NT5DC1: variants seen among roughly 807,000 people sequenced by gnomAD.
The protein encoded by NT5DC1 is 5'-nucleotidase domain-containing protein 1.
Under a neutral mutation model 59.4 loss-of-function variants are expected in NT5DC1, and 42 were observed. The observed-to-expected ratio is 0.71, with a 90% CI of 0.55 to 0.92. The LOEUF (loss-of-function observed/expected upper bound fraction) is 0.92. Ranked by LOEUF, NT5DC1 falls within the 40% of genes least tolerant of loss-of-function variation. The pLI is 0.00. For synonymous variants in NT5DC1, 172 were observed against 188.1 expected (o/e 0.91, Z 0.70); for missense variants, 501 against 537.1 (o/e 0.93, Z 0.66).
At chr6:116,130,670 A>G (rs896988038) in intron 6 of NT5DC1, among the ~76,000 whole-genome samples, 1 of 152,046 alleles carries the variant, frequency 6.6e-6, no homozygotes, top group African/African-American at 2.4e-5. Context: ...CATTAAATAT[A>G]AGATATATGA....
chr6:116,118,081 G>A (rs1014023292), intron 6 of NT5DC1, 136 bp downstream of exon 6: 6 of 679,372 alleles, frequency 8.8e-6, no homozygotes, highest in Admixed American at 2.4e-5. Flanking sequence ...TTATAAAGTT[G>A]GTTCTGACTA....
chr6:116,144,802 A>T (rs1582832343), intron 6 of NT5DC1, among the ~76,000 whole-genome samples: 2 of 152,114 alleles, frequency 1.3e-5, no homozygotes, highest in Non-Finnish European at 2.9e-5. Context: ...GACAACTGTG[A>T]GTTAGTTCAC....
At chr6:116,167,981 T>G (rs1479419990) in intron 6 of NT5DC1, among the ~76,000 whole-genome samples, 1 of 152,182 alleles carries the variant, frequency 6.6e-6, no homozygotes, top group African/African-American at 2.4e-5. Flanking sequence ...GAAAATTCAG[T>G]TATCAGTATA....
chr6:116,132,383 C>CTA (rs1779490984), intron 6 of NT5DC1, among the ~76,000 whole-genome samples: 1 of 152,050 alleles, frequency 6.6e-6, no homozygotes, highest in Non-Finnish European at 1.5e-5. Flanking sequence ...CCTACTTTTC[C>CTA]TGTACATGTT....
intron 6 of NT5DC1, among the ~76,000 whole-genome samples, chr6:116,185,215 G>T (rs1323211136): frequency 6.6e-6 from 1 of 152,006 alleles, no homozygotes; most frequent in African/African-American, 2.4e-5. Flanking sequence ...ATCCACTATG[G>T]TCTAAGAGAG....
chr6:116,121,823 C>T (rs1779140018), intron 6 of NT5DC1: 1 of 1,613,944 alleles, frequency 6.2e-7, no homozygotes, highest in Non-Finnish European at 8.5e-7. Flanking sequence ...TCCCGGTGGT[C>T]CTGGCAACCC....
chr6:116,229,792 C>CCTCT (rs150325214), intron 8 of NT5DC1, among the ~76,000 whole-genome samples: 5 of 151,214 alleles, frequency 3.3e-5, no homozygotes, highest in East Asian at 1.9e-4. Flanking sequence ...CTCTGTCTCT[C>CCTCT]CTCTCTCTCT....
chr6:116,110,888 T>G lies in NT5DC1; in HGVS notation c.296T>G (p.Leu99Arg), dbSNP rs1778861818. 6.2e-7 allele frequency: 1 copy of G among 1,614,162 alleles called. No homozygotes were observed. Among genetic ancestry groups the G allele is most frequent in the South Asian group, 1.1e-5 (1 of 91,084 alleles). ...HGTKMMTPEVLAEAYGKKEWK... is the reference protein window; with the variant it reads ...HGTKMMTPEVRAEAYGKKEWK... ...ACCAAGATGATGACTCCAGAGGTGC[T>G]GGCAGAGGCATATGGCAAGAAAGAG... The change falls in exon 4 of 12, where the codon CTG becomes CGG. Residue 99 changes from leucine (L) to arginine (R), a missense_variant. By Grantham distance (102) the Leu-to-Arg change is moderately radical. Transcript: ENST00000319550.
chr6:116,210,354 A>G (rs1781549628), intron 6 of NT5DC1, among the ~76,000 whole-genome samples: 1 of 149,326 alleles, frequency 6.7e-6, no homozygotes, highest in Non-Finnish European at 1.5e-5. Context: ...GAAATGTAAT[A>G]ATGTACCATG....
intron 6 of NT5DC1, among the ~76,000 whole-genome samples, chr6:116,198,359 TG>T (rs1292088217): frequency 1.3e-5 from 2 of 152,054 alleles, no homozygotes; most frequent in African/African-American, 2.4e-5. Flanking sequence ...GACCATTATA[TG>T]TAACTGTGCT....
At position 116,246,997 on chromosome 6, in the gene NT5DC1, G is replaced by A. The variant is rs1389887033; in HGVS notation, c.*2973G>A. 1 of 152,270 alleles carries A rather than the reference G, an allele frequency of 6.6e-6. No individual in the cohort carries two copies. The highest frequency in any genetic ancestry group is 2.4e-5 in the African/African-American group (1 of 41,548). 9.4% of individuals were successfully genotyped at this position (152,270 alleles called of 1,614,324 possible). On this transcript the variant is annotated 3_prime_UTR_variant, in exon 12 of 12. Transcript: ENST00000319550. The stretch of plus-strand genomic sequence containing the variant: ...ATGAGATGTATATAATTATTAAATT[G>A]TACAGATGGGAAAATTGAAATTCAG...
At chr6:116,129,215 T>C (rs1228557955) in intron 6 of NT5DC1, among the ~76,000 whole-genome samples, 1 of 152,162 alleles carries the variant, frequency 6.6e-6, no homozygotes. Flanking sequence ...TATATAGACA[T>C]GTATATACAC....
At chr6:116,152,857 T>C (rs1253938300) in intron 6 of NT5DC1, among the ~76,000 whole-genome samples, 2 of 152,154 alleles carry the variant, frequency 1.3e-5, no homozygotes, top group Non-Finnish European at 2.9e-5. Context: ...TCTATAGTTA[T>C]ATTGCCTCTG....
chr6:116,206,104 C>A (rs1781444554), intron 6 of NT5DC1, among the ~76,000 whole-genome samples: 3 of 151,930 alleles, frequency 2.0e-5, no homozygotes, highest in Non-Finnish European at 4.4e-5. Context: ...TTTTTCATAG[C>A]ATATGTTTCA....
At chr6:116,101,422 A>G (rs1326721962) in intron 1 of NT5DC1, among the ~76,000 whole-genome samples, 2 of 151,426 alleles carry the variant, frequency 1.3e-5, no homozygotes, top group Non-Finnish European at 3.0e-5. Flanking sequence ...GATTGTGGAC[A>G]CAGCCACTTG....
chr6:116,163,137 A>AT (rs1554197055), intron 6 of NT5DC1, among the ~76,000 whole-genome samples: 94 of 105,364 alleles, frequency 8.9e-4, no homozygotes, highest in East Asian at 8.4e-3. Context: ...AAAAAAAAAA[A>AT]AAAAATATAT....
chr6:116,200,320 A>T (rs1414142471), intron 6 of NT5DC1, among the ~76,000 whole-genome samples: 3 of 152,058 alleles, frequency 2.0e-5, no homozygotes, highest in African/African-American at 7.2e-5. Context: ...TAAACGTAAT[A>T]TGGTATCCTG....
intron 6 of NT5DC1, among the ~76,000 whole-genome samples, chr6:116,135,850 TATATATATATATATATATATATAC>T (rs1021188681): frequency 4.4e-5 from 5 of 113,222 alleles, no homozygotes; most frequent in Non-Finnish European, 7.0e-5. Flanking sequence ...TATATATATA[TATATATATATATATATATATATAC>T]ACACATACAC....
intron 6 of NT5DC1, among the ~76,000 whole-genome samples, chr6:116,217,192 C>T (rs867766162): frequency 2.0e-5 from 3 of 152,160 alleles, no homozygotes; most frequent in Non-Finnish European, 4.4e-5. Flanking sequence ...TTTTTTACCA[C>T]GAGAGGTCCC....
Sources: gnomAD v4.1 joint callset for allele counts (sites outside exome capture counted in the v4.1 genomes callset) on GRCh38, gnomAD v4.1.1 for gene constraint, MANE v1.5 for transcripts, NCBI Gene and HGNC (gene_info 2026-07-23, HGNC 2026-07-21) for gene names.